CREB5: variants seen among roughly 807,000 people sequenced by gnomAD.
CREB5 encodes cyclic AMP-responsive element-binding protein 5.
Under a neutral mutation model 57.1 loss-of-function variants are expected in CREB5, and 19 were observed. The observed-to-expected ratio is 0.33, with a 90% CI of 0.23 to 0.49. CREB5 has a LOEUF of 0.49. Among genes scored for constraint, CREB5 ranks in the 20% least tolerant of loss-of-function variants. CREB5 has a pLI of 0.99. For synonymous variants in CREB5, 238 were observed against 238.3 expected (o/e 1.00, Z 0.01); for missense variants, 579 against 671.6 (o/e 0.86, Z 1.52).
At chr7:28,479,331 AC>A (rs948621244) in intron 1 of CREB5, among the ~76,000 whole-genome samples, 12 of 152,056 alleles carry the variant, frequency 7.9e-5, no homozygotes, top group Admixed American at 3.3e-4. Context: ...TGCCAGGGTG[AC>A]CCCCTTCTAA....
intron 1 of CREB5, among the ~76,000 whole-genome samples, chr7:28,363,340 T>C (rs1356170876): frequency 1.3e-5 from 2 of 152,230 alleles, no homozygotes; most frequent in Admixed American, 1.3e-4. Flanking sequence ...CAAAGGAAAT[T>C]GGCTAGGATG....
chr7:28,369,320 C>T (rs1189379585), intron 1 of CREB5, among the ~76,000 whole-genome samples: 2 of 152,076 alleles, frequency 1.3e-5, no homozygotes, highest in African/African-American at 4.8e-5. Context: ...CTTGGGTAAC[C>T]ACTTGCAGCT....
chr7:28,772,742 A>C (rs1806396547), intron 7 of CREB5, among the ~76,000 whole-genome samples: 1 of 152,182 alleles, frequency 6.6e-6, no homozygotes, highest in Admixed American at 6.5e-5. Flanking sequence ...TGCTATCTGG[A>C]GAGACTAAAA....
At chr7:28,422,649 T>C (rs186939516) in intron 1 of CREB5, among the ~76,000 whole-genome samples, 6 of 152,344 alleles carry the variant, frequency 3.9e-5, no homozygotes, top group African/African-American at 1.4e-4. Context: ...TTAAAATTGC[T>C]GCGGTTGAAT....
intron 5 of CREB5, among the ~76,000 whole-genome samples, chr7:28,655,482 A>G (rs1319325366): frequency 6.6e-6 from 1 of 152,076 alleles, no homozygotes; most frequent in South Asian, 2.1e-4. Flanking sequence ...ATTGTGGCAC[A>G]TACCTGTGGT....
intron 4 of CREB5, among the ~76,000 whole-genome samples, chr7:28,560,931 T>TGGC (rs1467935536): frequency 4.1e-5 from 2 of 48,532 alleles, no homozygotes; most frequent in Admixed American, 3.8e-4. Context: ...TGCGCGTGCG[T>TGGC]GTGTGCGTGC....
chr7:28,349,441 C>T (rs1468467585), intron 1 of CREB5, among the ~76,000 whole-genome samples: 1 of 151,712 alleles, frequency 6.6e-6, no homozygotes, highest in Non-Finnish European at 1.5e-5. Flanking sequence ...CATTCCCATT[C>T]AATCTAGTAT....
At chr7:28,654,795 G>A (rs1019838953) in intron 5 of CREB5, among the ~76,000 whole-genome samples, 5 of 152,120 alleles carry the variant, frequency 3.3e-5, no homozygotes, top group South Asian at 2.1e-4. Flanking sequence ...GTACACACAC[G>A]CAGTAAAAGT....
chr7:28,639,206 ATC>A (rs1798549144), intron 5 of CREB5, among the ~76,000 whole-genome samples: 1 of 152,184 alleles, frequency 6.6e-6, no homozygotes, highest in Admixed American at 6.6e-5. Flanking sequence ...CTTTAATCTT[ATC>A]TCTGTTTGGC....
intron 9 of CREB5, among the ~76,000 whole-genome samples, chr7:28,810,541 A>C (rs1809052922): frequency 6.6e-6 from 1 of 151,994 alleles, no homozygotes; most frequent in South Asian, 2.1e-4. Flanking sequence ...AAAAACACAA[A>C]AAAAAATTGC....
chr7:28,766,864 G>A (rs1383004778), intron 7 of CREB5, among the ~76,000 whole-genome samples: 1 of 152,214 alleles, frequency 6.6e-6, no homozygotes, highest in Non-Finnish European at 1.5e-5. Context: ...CTTCATCAAA[G>A]AGAGGTTCTA....
intron 5 of CREB5, among the ~76,000 whole-genome samples, chr7:28,678,991 C>T (rs947468757): frequency 2.7e-5 from 4 of 150,736 alleles, no homozygotes; most frequent in Non-Finnish European, 4.4e-5. Flanking sequence ...TTAGTTTAAG[C>T]TTGCCTTTTT....
At chr7:28,409,964 C>A, upstream of CREB5, 1 of 454,838 alleles carries the variant, frequency 2.2e-6, no homozygotes, top group Non-Finnish European at 4.4e-6. The surrounding 1 kb of genome is among the most constrained non-coding windows in gnomAD (Gnocchi z 4.4). Context: ...AGCCAGGAAC[C>A]TCCCCCCGCG....
chr7:28,630,672 A>G (rs1036039103), intron 5 of CREB5, among the ~76,000 whole-genome samples: 5 of 152,198 alleles, frequency 3.3e-5, no homozygotes, highest in African/African-American at 1.2e-4. Flanking sequence ...TAGCTGGGGA[A>G]TTATAATCAT....
At chr7:28,695,741 G>A (rs1156343962) in intron 5 of CREB5, among the ~76,000 whole-genome samples, 1 of 152,128 alleles carries the variant, frequency 6.6e-6, no homozygotes, top group Non-Finnish European at 1.5e-5. Context: ...GACAGAGCTT[G>A]GAAGCTGCCC....
intron 4 of CREB5, among the ~76,000 whole-genome samples, chr7:28,560,927 T>TGC (rs1164947982): frequency 3.5e-5 from 2 of 57,574 alleles, no homozygotes; most frequent in Non-Finnish European, 3.1e-5. Context: ...TGTGTGCGCG[T>TGC]GCGTGTGTGC....
chr7:28,764,146 G>A (rs993767989), intron 7 of CREB5, among the ~76,000 whole-genome samples: 1 of 151,964 alleles, frequency 6.6e-6, no homozygotes, highest in African/African-American at 2.4e-5. Context: ...TTACATTCAT[G>A]GTGCTGGAAG....
intron 5 of CREB5, among the ~76,000 whole-genome samples, chr7:28,675,668 C>T (rs573570021): frequency 2.6e-5 from 4 of 152,224 alleles, no homozygotes; most frequent in East Asian, 1.9e-4. Context: ...CAAATTAAGA[C>T]GGAACTGCCT....
chr7:28,449,836 CTCTG>C (rs973619852), intron 1 of CREB5, among the ~76,000 whole-genome samples: 3 of 152,208 alleles, frequency 2.0e-5, no homozygotes, highest in African/African-American at 7.2e-5. Flanking sequence ...AGGTTGATAA[CTCTG>C]TCTGTCTCTC....
Sources: gnomAD v4.1 joint callset for allele counts (sites outside exome capture counted in the v4.1 genomes callset) on GRCh38, gnomAD v4.1.1 for gene constraint, Gnocchi (gnomAD v3.1) non-coding constraint, MANE v1.5 for transcripts, NCBI Gene and HGNC (gene_info 2026-07-23, HGNC 2026-07-21) for gene names.